RPS6KB1: variants seen among roughly 807,000 people sequenced by gnomAD.
The protein encoded by RPS6KB1 is ribosomal protein S6 kinase beta-1.
A neutral mutation model predicts 70.2 loss-of-function variants in RPS6KB1; 12 were observed. The ratio of observed to expected loss-of-function variants is 0.17; its 90% CI spans 0.11 to 0.28. The LOEUF is 0.28. RPS6KB1 is among the 10% of genes least tolerant of loss of function. RPS6KB1 has a pLI of 1.00. For synonymous variants in RPS6KB1, 175 were observed against 211.2 expected, an observed-to-expected ratio of 0.83 and a Z score of 1.49; for missense variants, 270 against 646.6, an observed-to-expected ratio of 0.42 and a Z score of 6.32.
chr17:59,926,315 G>C, intron 4 of RPS6KB1, 120 bp from the exon 5 acceptor site: 1 of 744,484 alleles, frequency 1.3e-6, no homozygotes, highest in Admixed American at 3.1e-5. Context: ...TTTCTAGTGG[G>C]AACTATGGTT....
chr17:59,923,159 G>T (rs899759167), intron 4 of RPS6KB1, among the ~76,000 whole-genome samples: 10 of 149,590 alleles, frequency 6.7e-5, no homozygotes, highest in African/African-American at 1.2e-4. Context: ...ACCGCACCTG[G>T]TCTTTTTTTT....
intron 13 of RPS6KB1, among the ~76,000 whole-genome samples, chr17:59,941,741 C>T (rs1850735053): frequency 6.6e-6 from 1 of 151,286 alleles, no homozygotes; most frequent in Non-Finnish European, 1.5e-5. Context: ...TCGAGTGATT[C>T]TCCTGCCTCA....
Position 59,946,473 on chromosome 17 carries a change from C to A in RPS6KB1, c.1341-78C>A. On this transcript the variant is annotated intron_variant, in intron 14 of 14. Transcript: ENST00000225577. The surrounding 1 kb of genome is among the most constrained non-coding windows in gnomAD (Gnocchi z 4.2). ...AAAATAAATGTCATGTTACCCCACT[C>A]CCTTTAAACGTAAAGGAAATATGTC... The A allele has an allele frequency of 9.3e-7, 1 of 1,074,604 alleles. No individual in the cohort carries two copies. The highest frequency in any genetic ancestry group is 1.3e-5 in the South Asian group (1 of 74,820). 66.6% of individuals were successfully genotyped at this position (1,074,604 alleles called of 1,614,324 possible).
chr17:59,901,101 C>T (rs1445484546), intron 1 of RPS6KB1, among the ~76,000 whole-genome samples: 1 of 151,466 alleles, frequency 6.6e-6, no homozygotes, highest in Non-Finnish European at 1.5e-5. Flanking sequence ...GTGGAGTTTC[C>T]CATGAGCCGA....
At chr17:59,903,014 C>T (rs1396683793) in intron 1 of RPS6KB1, among the ~76,000 whole-genome samples, 1 of 151,882 alleles carries the variant, frequency 6.6e-6, no homozygotes, top group African/African-American at 2.4e-5. Context: ...AACCTGTTCT[C>T]TACAAAAAAT....
chr17:59,911,062 C>A (rs2144777933), intron 2 of RPS6KB1, among the ~76,000 whole-genome samples: 1 of 152,320 alleles, frequency 6.6e-6, no homozygotes, highest in South Asian at 2.1e-4. Context: ...GTGGGCGGGT[C>A]ATTTGAGATC....
chr17:59,920,219 T>C (rs1416743434), intron 4 of RPS6KB1, among the ~76,000 whole-genome samples: 2 of 152,136 alleles, frequency 1.3e-5, no homozygotes, highest in Non-Finnish European at 2.9e-5. Flanking sequence ...GGCTTTGCCA[T>C]GTTGGCCAGG....
chr17:59,916,501 A>T (rs527780521), intron 4 of RPS6KB1, among the ~76,000 whole-genome samples: 1 of 152,142 alleles, frequency 6.6e-6, no homozygotes, highest in Non-Finnish European at 1.5e-5. Flanking sequence ...TGAATCTACT[A>T]TTGTCCTCTG....
intron 4 of RPS6KB1, among the ~76,000 whole-genome samples, chr17:59,926,202 T>C (rs1453334989): frequency 6.6e-6 from 1 of 152,198 alleles, no homozygotes; most frequent in African/African-American, 2.4e-5. Context: ...AGATTTCTTT[T>C]TTAAAAAGTC....
chr17:59,893,796 G>A lies in RPS6KB1; in HGVS notation c.141+471G>A, dbSNP rs554257100. The A allele has an allele frequency of 9.2e-5, 91 of 989,792 alleles. No individual in the cohort carries two copies. The highest frequency in any genetic ancestry group is 1.0e-4 in the Non-Finnish European group (85 of 832,350). The allele number at this position is 989,792 out of a possible 1,614,324, so 61.3% of individuals were successfully genotyped here. A position where few individuals can be genotyped will look rare whatever the true frequency, so the allele number is the denominator to read the frequency against. ...TCTCGGCCTGTCGCTTCTCTCCTAG[G>A]AAGCGCTCAGCTGTTAGAAGTGACA... On this transcript the variant is annotated intron_variant, in intron 1 of 14. Coordinates refer to ENST00000225577, the MANE Select transcript of RPS6KB1 (RefSeq NM_003161.4). The surrounding 1 kb of genome is among the most constrained non-coding windows in gnomAD (Gnocchi z 4.1).
rs1381253049 is a variant in RPS6KB1 at position 59,931,615 on chromosome 17, T to C, written c.588-7T>C. ...TTTTAATTTTATTAAATCACTTTTGTTTCCAGCTTTTACTTGGCAGAAATC... is the reference window on the plus strand; with the variant it reads ...TTTTAATTTTATTAAATCACTTTTGCTTCCAGCTTTTACTTGGCAGAAATC... On this transcript the variant is annotated splice_region_variant and splice_polypyrimidine_tract_variant and intron_variant, in intron 6 of 14. Transcript: ENST00000225577. 3 of 1,602,544 alleles carry C rather than the reference T, an allele frequency of 1.9e-6. No homozygotes were observed. The Admixed American group carries it at 5.0e-5, about 27-fold the overall frequency.
chr17:59,930,691 T>C (rs946187901), intron 6 of RPS6KB1: 4 of 152,468 alleles, frequency 2.6e-5, no homozygotes, highest in African/African-American at 9.7e-5. Context: ...GCAACAATAT[T>C]GGGTCACAAT....
intron 1 of RPS6KB1, among the ~76,000 whole-genome samples, chr17:59,895,830 AC>A (rs1256207833): frequency 6.6e-6 from 1 of 151,522 alleles, no homozygotes; most frequent in Admixed American, 6.6e-5. Flanking sequence ...ATGGGGTTTC[AC>A]CATGTTGCCC....
Position 59,934,603 on chromosome 17 carries a change from T to C in RPS6KB1, c.870+79T>C. 9.4e-7 allele frequency: 1 copy of C among 1,065,138 alleles called. No homozygotes were observed. The highest frequency in any genetic ancestry group is 2.1e-5 in the Admixed American group (1 of 46,908). 66.0% of individuals were successfully genotyped at this position (1,065,138 alleles called of 1,614,324 possible). ...AGCAAGAGACCTGTCCTGTGCTTTC[T>C]GAACATGTTACCAGTGGAGTTTTCA... On this transcript the variant is annotated intron_variant, in intron 9 of 14. Transcript: ENST00000225577. This position sits in a 1 kb window ranked among gnomAD's most constrained non-coding sequence, Gnocchi z 4.8.
In RPS6KB1 at chr17:59,922,689, C is replaced by T. The variant is rs1472992119; in HGVS notation, c.382-3746C>T. ...CCTCCAGAGTAGCTGAGACTACAGGCGTGCGCCATCGCGCCCAGCTAATTT... is the reference window on the plus strand; with the variant it reads ...CCTCCAGAGTAGCTGAGACTACAGGTGTGCGCCATCGCGCCCAGCTAATTT... On this transcript the variant is annotated intron_variant, in intron 4 of 14. Transcript: ENST00000225577. 4.7e-5 allele frequency among the ~76,000 whole-genome samples: 7 copies of T among 149,644 alleles called. 1 individual carries two copies. The highest frequency in any genetic ancestry group is 2.0e-4 in the East Asian group (1 of 5,000).
chr17:59,917,909 A>G (rs758735257), intron 4 of RPS6KB1, among the ~76,000 whole-genome samples: 5 of 151,430 alleles, frequency 3.3e-5, no homozygotes, highest in Non-Finnish European at 7.4e-5. Context: ...CCACGTTTCC[A>G]TTTCTTTGTC....
chr17:59,910,495 CAAAG>C (rs2042570106), intron 1 of RPS6KB1, 63 bp from the exon 2 acceptor site: 3 of 986,472 alleles, frequency 3.0e-6, no homozygotes, highest in East Asian at 2.6e-5. Context: ...AGTTATGAGA[CAAAG>C]AATTAAACCT....
intron 1 of RPS6KB1, among the ~76,000 whole-genome samples, chr17:59,895,167 C>T (rs550055834): frequency 8.0e-4 from 120 of 150,894 alleles, no homozygotes; most frequent in Middle Eastern, 3.5e-3. Context: ...ACTACAGGCG[C>T]GTGCCACCAC....
At chr17:59,914,127 C>T (rs982203124) in intron 3 of RPS6KB1, among the ~76,000 whole-genome samples, 1 of 152,194 alleles carries the variant, frequency 6.6e-6, no homozygotes, top group Non-Finnish European at 1.5e-5. Context: ...TTAGTACAAA[C>T]TATTTTAAGT....
Sources: gnomAD v4.1 joint callset for allele counts (sites outside exome capture counted in the v4.1 genomes callset) on GRCh38, gnomAD v4.1.1 for gene constraint, Gnocchi (gnomAD v3.1) non-coding constraint, MANE v1.5 for transcripts, NCBI Gene and HGNC (gene_info 2026-07-23, HGNC 2026-07-21) for gene names.